PCDH15: variants seen among roughly 807,000 people sequenced by gnomAD.
The protein encoded by PCDH15 is protocadherin related 15, also known as protocadherin-15.
In PCDH15, 129 loss-of-function variants were observed where a neutral mutation model predicts 178.5. The ratio of observed to expected loss-of-function variants is 0.72; its 90% CI spans 0.63 to 0.84. PCDH15 has a LOEUF of 0.84. Among genes scored for constraint, PCDH15 ranks in the 40% least tolerant of loss-of-function variants. PCDH15 has a pLI of 0.00. For synonymous variants in PCDH15, 800 were observed against 732.0 expected, an observed-to-expected ratio of 1.09 and a Z score of -1.50; for missense variants, 2,230 against 2,099.9, an observed-to-expected ratio of 1.06 and a Z score of -1.21.
chr10:53,970,485 C>A lies in PCDH15; in HGVS notation c.2869-8593G>T, dbSNP rs113782803. 5.3e-3 allele frequency among the ~76,000 whole-genome samples: 778 copies of A among 147,530 alleles called. 7 individuals carry two copies. The highest frequency in any genetic ancestry group is 0.018 in the African/African-American group (727 of 41,144). ...GAAACAAAAAACTCTTCCAAAAAAT[C>A]AATGAATCCAGGAGCTGTTTTTTTT... On this transcript the variant is annotated intron_variant, in intron 21 of 37. Coordinates refer to ENST00000644397, the MANE Select transcript of PCDH15 (RefSeq NM_001384140.1).
At chr10:55,481,613 G>C (rs1285593946) in intron 2 of PCDH15, among the ~76,000 whole-genome samples, 1 of 151,774 alleles carries the variant, frequency 6.6e-6, no homozygotes, top group Non-Finnish European at 1.5e-5. Flanking sequence ...TTCTAGAGCA[G>C]GTTATTCAAC....
At position 55,302,658 on chromosome 10, in the gene PCDH15, C is replaced by T. The variant is rs751492771; in HGVS notation, c.-156+16941G>A. On this transcript the variant is annotated intron_variant, in intron 1 of 5. Coordinates refer to the PCDH15 transcript ENST00000458638. ...TTTACTCAAACTCTGCTGATTTAAA[C>T]GGTTATCTCATCTCAAAAATAACTT... Among the ~76,000 whole-genome samples the T allele has an allele frequency of 2.3e-4, 35 of 152,242 alleles. 1 individual carries two copies. The highest frequency in any genetic ancestry group is 7.5e-4 in the African/African-American group (31 of 41,544).
chr10:54,172,496 G>A lies in PCDH15; in HGVS notation c.1590+10948C>T, dbSNP rs115326669. Among the ~76,000 whole-genome samples the A allele has an allele frequency of 6.3e-3, 955 of 152,118 alleles. 9 individuals are homozygous for A. The highest frequency in any genetic ancestry group is 0.021 in the African/African-American group (866 of 41,478). ...AGCCTGTTTGGTGGTCTCTTCACGC[G>A]CATGAAAATAACAAAATTTACTACC... is the stretch of plus-strand genomic sequence containing the variant. On this transcript the variant is annotated intron_variant, in intron 13 of 37. Transcript: ENST00000644397.
At chr10:55,622,154 A>AAT (rs1554806953) in intron 2 of PCDH15, among the ~76,000 whole-genome samples, 1 of 72,480 alleles carries the variant, frequency 1.4e-5, no homozygotes, top group African/African-American at 5.2e-5. Context: ...TATATCTATA[A>AAT]ATATATATAT....
intron 3 of PCDH15, among the ~76,000 whole-genome samples, chr10:54,866,599 T>TC (rs1237222237): frequency 1.1e-3 from 162 of 152,334 alleles, no homozygotes; most frequent in African/African-American, 3.8e-3. Context: ...GAGTTCTCAA[T>TC]TTTGTCAAAA....
chr10:55,286,348 T>C (rs902111623), intron 1 of PCDH15, among the ~76,000 whole-genome samples: 6 of 152,064 alleles, frequency 3.9e-5, no homozygotes, highest in Middle Eastern at 3.4e-3. Context: ...TATTTGAATA[T>C]GAGAAATTTT....
intron 1 of PCDH15, among the ~76,000 whole-genome samples, chr10:55,318,857 T>C (rs546028867): frequency 6.6e-6 from 1 of 152,152 alleles, no homozygotes; most frequent in Non-Finnish European, 1.5e-5. Context: ...TTTTTCAAAC[T>C]GGAATTTTCT....
chr10:55,113,039 C>T (rs1837547626), intron 2 of PCDH15, among the ~76,000 whole-genome samples: 1 of 152,262 alleles, frequency 6.6e-6, no homozygotes, highest in African/African-American at 2.4e-5. Flanking sequence ...GAACTTGGAA[C>T]TGCATGGCAT....
intron 1 of PCDH15, among the ~76,000 whole-genome samples, chr10:55,253,876 C>T (rs1335951279): frequency 6.6e-6 from 1 of 152,138 alleles, no homozygotes; most frequent in Non-Finnish European, 1.5e-5. Flanking sequence ...GCAAAGTAGT[C>T]AACCGTGAAA....
At chr10:54,171,635 A>G (rs937676787) in intron 13 of PCDH15, among the ~76,000 whole-genome samples, 1 of 151,626 alleles carries the variant, frequency 6.6e-6, no homozygotes, top group Non-Finnish European at 1.5e-5. Context: ...CCAAACTGCC[A>G]CTCTTAACTC....
At chr10:55,377,594 A>G (rs1837429538) in intron 2 of PCDH15, among the ~76,000 whole-genome samples, 2 of 152,236 alleles carry the variant, frequency 1.3e-5, no homozygotes, top group South Asian at 4.1e-4. Flanking sequence ...ATAATTCAAT[A>G]AAATAAGTCA....
intron 2 of PCDH15, among the ~76,000 whole-genome samples, chr10:54,939,953 A>G (rs1430285015): frequency 6.6e-6 from 1 of 152,128 alleles, no homozygotes; most frequent in East Asian, 1.9e-4. Flanking sequence ...TTAGGTTTCA[A>G]CAAGTGAATT....
chr10:54,340,070 C>T (rs1285149769), intron 6 of PCDH15, among the ~76,000 whole-genome samples: 2 of 152,070 alleles, frequency 1.3e-5, no homozygotes, highest in Non-Finnish European at 2.9e-5. Flanking sequence ...TTTAATGTAT[C>T]ATTAAATAAT....
intron 1 of PCDH15, among the ~76,000 whole-genome samples, chr10:54,695,872 A>G (rs1316086221): frequency 1.3e-5 from 2 of 151,076 alleles, no homozygotes; most frequent in African/African-American, 4.9e-5. Flanking sequence ...GCCCCAATGG[A>G]AAAAAAAAGA....
At chr10:54,423,567 GAACTTGTTGAAACCCT>G (rs1565236516) in intron 3 of PCDH15, among the ~76,000 whole-genome samples, 4 of 151,794 alleles carry the variant, frequency 2.6e-5, no homozygotes, top group Admixed American at 6.6e-5. Flanking sequence ...CAGGAAGTCT[GAACTTGTTGAAACCCT>G]AATCCGAAGC....
chr10:55,359,771 C>CACACAT (rs1491128091), intron 2 of PCDH15, among the ~76,000 whole-genome samples: 20 of 136,666 alleles, frequency 1.5e-4, no homozygotes, highest in African/African-American at 5.2e-4. Context: ...CACACACACA[C>CACACAT]ATATATATAT....
At chr10:54,247,383 G>A (rs1351981148) in intron 8 of PCDH15, among the ~76,000 whole-genome samples, 2 of 151,946 alleles carry the variant, frequency 1.3e-5, no homozygotes, top group African/African-American at 4.8e-5. Flanking sequence ...GGCACACGGA[G>A]ACTCAAAAAC....
At chr10:54,617,525 G>A (rs1373910741) in intron 2 of PCDH15, among the ~76,000 whole-genome samples, 1 of 151,790 alleles carries the variant, frequency 6.6e-6, no homozygotes, top group African/African-American at 2.4e-5. Context: ...TGTGACCTGG[G>A]TACCTGGACT....
intron 2 of PCDH15, among the ~76,000 whole-genome samples, chr10:55,135,786 G>T (rs1003245097): frequency 6.6e-6 from 1 of 151,786 alleles, no homozygotes; most frequent in Non-Finnish European, 1.5e-5. Flanking sequence ...GTCTCACCAT[G>T]TTGGCCAGGC....
Sources: allele counts gnomAD v4.1 joint callset (sites outside exome capture counted in the v4.1 genomes callset), GRCh38; gene constraint gnomAD v4.1.1; transcripts MANE v1.5; gene names NCBI Gene and HGNC (gene_info 2026-07-23, HGNC 2026-07-21).